CDKAL1: variants seen among roughly 807,000 people sequenced by gnomAD.
CDKAL1 encodes the protein threonylcarbamoyladenosine tRNA methylthiotransferase.
In CDKAL1, 32 loss-of-function variants were observed where a neutral mutation model predicts 68.2. The observed-to-expected ratio is 0.47, with a 90% CI of 0.35 to 0.63. CDKAL1 has a LOEUF of 0.63. Ranked by LOEUF, CDKAL1 falls within the 30% of genes least tolerant of loss-of-function variation. The pLI is 0.00. For missense variants in CDKAL1, 606 were observed against 696.7 expected, an observed-to-expected ratio of 0.87 and a Z score of 1.47; for synonymous variants, 234 against 244.3, an observed-to-expected ratio of 0.96 and a Z score of 0.39.
intron 2 of CDKAL1, among the ~76,000 whole-genome samples, chr6:20,545,244 G>A (rs1763552093): frequency 6.6e-6 from 1 of 151,776 alleles, no homozygotes; most frequent in African/African-American, 2.4e-5. Context: ...TATATATAAT[G>A]TCCAGAGTTT....
intron 9 of CDKAL1, among the ~76,000 whole-genome samples, chr6:20,855,194 G>C (rs1352649027): frequency 6.6e-6 from 1 of 151,946 alleles, no homozygotes; most frequent in African/African-American, 2.4e-5. Context: ...GTAATCCCCA[G>C]CACTTTGGGA....
At chr6:20,979,096 A>T (rs964540769) in intron 10 of CDKAL1, among the ~76,000 whole-genome samples, 4 of 152,234 alleles carry the variant, frequency 2.6e-5, no homozygotes, top group African/African-American at 9.6e-5. Flanking sequence ...CTTCAAGTTT[A>T]AAATGCAGAA....
intron 13 of CDKAL1, among the ~76,000 whole-genome samples, chr6:21,168,574 A>G (rs1777242011): frequency 6.6e-6 from 1 of 152,248 alleles, no homozygotes; most frequent in Non-Finnish European, 1.5e-5. Context: ...AGAAAGTAAT[A>G]CACCACAATT....
chr6:20,991,654 C>T (rs930269685), intron 10 of CDKAL1, among the ~76,000 whole-genome samples: 8 of 137,008 alleles, frequency 5.8e-5, no homozygotes, highest in Admixed American at 8.6e-5. Flanking sequence ...TTGCAGCGAA[C>T]GGAGATTGTG....
At chr6:20,843,255 T>TA (rs1778246025) in intron 8 of CDKAL1, among the ~76,000 whole-genome samples, 1 of 152,062 alleles carries the variant, frequency 6.6e-6, no homozygotes, top group African/African-American at 2.4e-5. Context: ...CCATTCTGAG[T>TA]ATTTTACATG....
chr6:21,171,722 G>A (rs1246817317), intron 13 of CDKAL1, among the ~76,000 whole-genome samples: 1 of 152,054 alleles, frequency 6.6e-6, no homozygotes, highest in Admixed American at 6.6e-5. Context: ...TGTATTCTTA[G>A]AAGCACAATT....
intron 5 of CDKAL1, among the ~76,000 whole-genome samples, chr6:20,679,915 C>T (rs1237480782): frequency 1.3e-5 from 2 of 151,992 alleles, no homozygotes; most frequent in African/African-American, 4.8e-5. Context: ...TATGCAGATT[C>T]AAGTTTTCTT....
chr6:21,153,931 G>A, intron 13 of CDKAL1, among the ~76,000 whole-genome samples: 1 of 152,258 alleles, frequency 6.6e-6, no homozygotes, highest in East Asian at 1.9e-4. Flanking sequence ...GGAAATTAGA[G>A]CCAATCTAAC....
At chr6:20,824,416 G>A (rs1461776951) in intron 8 of CDKAL1, among the ~76,000 whole-genome samples, 1 of 152,148 alleles carries the variant, frequency 6.6e-6, no homozygotes, top group Non-Finnish European at 1.5e-5. Flanking sequence ...CTAGGTGTCT[G>A]CAAGAACTAG....
intron 9 of CDKAL1, among the ~76,000 whole-genome samples, chr6:20,888,123 G>C (rs148582761): frequency 1.6e-3 from 235 of 151,542 alleles, no homozygotes; most frequent in Non-Finnish European, 2.9e-3. Flanking sequence ...TGTCCCTCCC[G>C]CATTCCCGCA....
At chr6:20,667,312 T>C (rs1232320752) in intron 5 of CDKAL1, among the ~76,000 whole-genome samples, 5 of 152,174 alleles carry the variant, frequency 3.3e-5, no homozygotes, top group Admixed American at 3.3e-4. Flanking sequence ...GATGACAGTT[T>C]AGCAAAAAGG....
intron 8 of CDKAL1, among the ~76,000 whole-genome samples, chr6:20,804,789 G>A (rs946219633): frequency 6.6e-6 from 1 of 152,064 alleles, no homozygotes; most frequent in African/African-American, 2.4e-5. Flanking sequence ...GTAGTATCTG[G>A]GAGCCTGACT....
intron 5 of CDKAL1, among the ~76,000 whole-genome samples, chr6:20,668,851 G>A (rs946394217): frequency 5.9e-5 from 9 of 152,164 alleles, no homozygotes; most frequent in African/African-American, 2.2e-4. Flanking sequence ...TGACGCTGTT[G>A]AAGAATACTT....
intron 4 of CDKAL1, among the ~76,000 whole-genome samples, chr6:20,625,330 G>A (rs1171063117): frequency 1.3e-5 from 2 of 152,230 alleles, no homozygotes; most frequent in African/African-American, 2.4e-5. Context: ...AGAGAAAAAT[G>A]TATTGGTGAC....
intron 4 of CDKAL1, among the ~76,000 whole-genome samples, chr6:20,581,518 G>A (rs899832788): frequency 1.3e-5 from 2 of 152,070 alleles, no homozygotes; most frequent in African/African-American, 4.8e-5. Context: ...AATTTTATAT[G>A]CTATATTAAA....
chr6:20,587,397 A>G (rs1335206311), intron 4 of CDKAL1, among the ~76,000 whole-genome samples: 4 of 152,126 alleles, frequency 2.6e-5, no homozygotes, highest in African/African-American at 9.7e-5. Context: ...TTACAAGAGA[A>G]GATCTAGTTA....
rs553027152 is a variant in CDKAL1, at chr6:20,858,079, G to T, written c.742+11901G>T. 9.2e-5 allele frequency among the ~76,000 whole-genome samples: 14 copies of T among 152,182 alleles called. No homozygotes were observed. In the South Asian group the frequency reaches 2.7e-3, roughly 29 times the overall value. Reference sequence around the variant, plus strand: ...TTACCCTGTTGGCCAGGCTGGTCTCGAATTCCTGACCTCAAGTGATCTGCC... The same window carrying T: ...TTACCCTGTTGGCCAGGCTGGTCTCTAATTCCTGACCTCAAGTGATCTGCC... On this transcript the variant is annotated intron_variant, in intron 9 of 15. Coordinates refer to ENST00000274695, the MANE Select transcript of CDKAL1 (RefSeq NM_017774.3).
At chr6:21,226,078 G>A (rs1173103332) in intron 15 of CDKAL1, among the ~76,000 whole-genome samples, 1 of 152,190 alleles carries the variant, frequency 6.6e-6, no homozygotes, top group Non-Finnish European at 1.5e-5. Context: ...CAGAGCTCGA[G>A]GACTTACTGC....
intron 4 of CDKAL1, among the ~76,000 whole-genome samples, chr6:20,553,600 T>G (rs1297787897): frequency 6.6e-6 from 1 of 152,194 alleles, no homozygotes; most frequent in East Asian, 1.9e-4. Flanking sequence ...TTTTTTATTT[T>G]GAAGAAAAAG....
Sources: gnomAD v4.1 joint callset for allele counts (sites outside exome capture counted in the v4.1 genomes callset) on GRCh38, gnomAD v4.1.1 for gene constraint, MANE v1.5 for transcripts, NCBI Gene and HGNC (gene_info 2026-07-23, HGNC 2026-07-21) for gene names.